Variants in JAM2 observed in about 807,000 individuals in gnomAD.
JAM2 encodes the protein junctional adhesion molecule 2, also known as junctional adhesion molecule B.
JAM2 carries 17 observed loss-of-function variants against 42.0 expected under a neutral mutation model. The ratio of observed to expected loss-of-function variants is 0.40; its 90% CI spans 0.28 to 0.61. The LOEUF is 0.61. JAM2 is among the 20% of genes least tolerant of loss of function. The probability of loss-of-function intolerance (pLI) is 0.37; values close to 1 mark genes in which losing one functional copy is unlikely to be tolerated. For missense variants in JAM2, 319 were observed against 358.3 expected (o/e 0.89, Z 0.89); for synonymous variants, 118 against 128.6 (o/e 0.92, Z 0.56).
At chr21:25,694,034 A>G in intron 4 of JAM2, 126 bp downstream of exon 4, 2 of 853,248 alleles carry the variant, frequency 2.3e-6, no homozygotes, top group Non-Finnish European at 3.7e-6. Flanking sequence ...GTCAAGTTAC[A>G]GAGACCATAA....
chr21:25,700,255 T>G (rs145222092), intron 5 of JAM2, among the ~76,000 whole-genome samples: 32 of 152,278 alleles, frequency 2.1e-4, no homozygotes, highest in African/African-American at 7.2e-4. Context: ...AATGTAATAT[T>G]CTATGTCAGT....
intron 1 of JAM2, among the ~76,000 whole-genome samples, chr21:25,642,838 A>G (rs1022432905): frequency 6.6e-6 from 1 of 152,238 alleles, no homozygotes; most frequent in African/African-American, 2.4e-5. Flanking sequence ...ACAAAATACC[A>G]TAAACGGAGT....
rs188352598 is a variant in JAM2 at position 25,699,683 on chromosome 21, A to C, written c.597+804A>C. ...GCTTGCAGTGAGCAGAGATCGCGCCACTGCGCTCCAGCCTGGGTGACAGAG... is the reference window on the plus strand; with the variant it reads ...GCTTGCAGTGAGCAGAGATCGCGCCCCTGCGCTCCAGCCTGGGTGACAGAG... On this transcript the variant is annotated intron_variant, in intron 5 of 9. Coordinates refer to ENST00000480456, the MANE Select transcript of JAM2 (RefSeq NM_021219.4). 5.9e-3 allele frequency among the ~76,000 whole-genome samples: 783 copies of C among 132,114 alleles called. 3 individuals are homozygous for C. Among genetic ancestry groups the C allele is most frequent in the African/African-American group, 0.019 (694 of 35,714 alleles). 86.7% of individuals were successfully genotyped at this position (132,114 alleles called of 152,430 possible). A position where few individuals can be genotyped will look rare whatever the true frequency, so the allele number is the denominator to read the frequency against.
At chr21:25,712,666 G>A (rs2034407607) in intron 9 of JAM2, among the ~76,000 whole-genome samples, 1 of 152,110 alleles carries the variant, frequency 6.6e-6, no homozygotes, top group African/African-American at 2.4e-5. Context: ...AGTATCACTA[G>A]GTCTGGCATT....
At chr21:25,704,414 T>C (rs1485527798) in intron 6 of JAM2, among the ~76,000 whole-genome samples, 1 of 152,182 alleles carries the variant, frequency 6.6e-6, no homozygotes, top group Non-Finnish European at 1.5e-5. Flanking sequence ...TTTAAGAAAA[T>C]TAATAACACA....
intron 1 of JAM2, among the ~76,000 whole-genome samples, chr21:25,642,089 T>C (rs2032462623): frequency 6.6e-6 from 1 of 152,128 alleles, no homozygotes; most frequent in African/African-American, 2.4e-5. Context: ...TGAACCTAGG[T>C]CACCTGTAAT....
intron 1 of JAM2, among the ~76,000 whole-genome samples, chr21:25,661,678 T>C (rs1317899285): frequency 6.6e-6 from 1 of 151,932 alleles, no homozygotes; most frequent in Non-Finnish European, 1.5e-5. Context: ...AAATTTCATT[T>C]CAGGATAATA....
chr21:25,713,078 C>G (rs1287873372), intron 9 of JAM2, among the ~76,000 whole-genome samples: 4 of 152,136 alleles, frequency 2.6e-5, no homozygotes, highest in Admixed American at 2.6e-4. Flanking sequence ...CTCTTTGGTA[C>G]GGGCACTAGC....
intron 1 of JAM2, among the ~76,000 whole-genome samples, chr21:25,661,683 A>G (rs189160513): frequency 3.1e-4 from 47 of 152,020 alleles, no homozygotes; most frequent in African/African-American, 1.1e-3. Flanking sequence ...TCATTTCAGG[A>G]TAATAAAGGA....
intron 1 of JAM2, among the ~76,000 whole-genome samples, chr21:25,659,378 C>T (rs935935804): frequency 6.6e-6 from 1 of 151,636 alleles, no homozygotes; most frequent in Admixed American, 6.6e-5. Context: ...TTTAAAATTG[C>T]TATGTGTGTC....
intron 1 of JAM2, among the ~76,000 whole-genome samples, chr21:25,665,779 G>A (rs1015191335): frequency 2.0e-5 from 3 of 152,128 alleles, no homozygotes; most frequent in Non-Finnish European, 4.4e-5. Context: ...AGTGGCTCAC[G>A]TCTGTAATCC....
At chr21:25,691,709 G>A (rs1412577808) in intron 3 of JAM2, among the ~76,000 whole-genome samples, 1 of 152,172 alleles carries the variant, frequency 6.6e-6, no homozygotes, top group Non-Finnish European at 1.5e-5. Flanking sequence ...AAGGGAATGA[G>A]GCAAGCATTT....
intron 1 of JAM2, 92 bp from the exon 2 acceptor site, chr21:25,683,791 A>C (rs909464823): frequency 2.3e-6 from 2 of 866,656 alleles, no homozygotes; most frequent in African/African-American, 3.5e-5. Context: ...ACCAAACTTT[A>C]GGACAGTTTT....
intron 1 of JAM2, among the ~76,000 whole-genome samples, chr21:25,660,006 G>A (rs919742797): frequency 2.0e-5 from 3 of 151,418 alleles, no homozygotes; most frequent in African/African-American, 7.3e-5. Context: ...CAACCTCTGC[G>A]TCCTGGGTTC....
At chr21:25,681,301 T>TA (rs1302619592) in intron 1 of JAM2, among the ~76,000 whole-genome samples, 2 of 152,128 alleles carry the variant, frequency 1.3e-5, no homozygotes, top group African/African-American at 4.8e-5. Context: ...GGGTACTTCA[T>TA]AAAGGAAAGA....
At chr21:25,695,915 G>A (rs887683926) in intron 4 of JAM2, among the ~76,000 whole-genome samples, 3 of 151,994 alleles carry the variant, frequency 2.0e-5, no homozygotes, top group African/African-American at 7.2e-5. Context: ...TGGGCAGCCA[G>A]GCAGAGGGGC....
chr21:25,641,604 T>G (rs1012129180), intron 1 of JAM2, among the ~76,000 whole-genome samples: 1 of 152,160 alleles, frequency 6.6e-6, no homozygotes, highest in African/African-American at 2.4e-5. Context: ...TGTTTTTTTT[T>G]TTATGTTTAA....
rs1245597951 is a variant in JAM2 at position 25,715,521 on chromosome 21, T to G, written c.*849T>G. The G allele has an allele frequency of 6.6e-6, 1 of 152,228 alleles. No homozygotes were observed. The highest frequency in any genetic ancestry group is 1.9e-4 in the East Asian group (1 of 5,198). 9.4% of individuals were successfully genotyped at this position (152,228 alleles called of 1,614,324 possible). A position where few individuals can be genotyped will look rare whatever the true frequency, so the allele number is the denominator to read the frequency against. On this transcript the variant is annotated 3_prime_UTR_variant, in exon 10 of 10. Transcript: ENST00000480456. ...CCTGCAGGAGTGGTGACTTCACATC[T>G]TTCTGTCTCTAAAAATTGTGCAGTG...
At chr21:25,661,384 G>T (rs1230729017) in intron 1 of JAM2, among the ~76,000 whole-genome samples, 1 of 152,010 alleles carries the variant, frequency 6.6e-6, no homozygotes, top group Non-Finnish European at 1.5e-5. Flanking sequence ...GATCCCTTGA[G>T]CCCAGAGGTT....
Sources: gnomAD v4.1 joint callset for allele counts (sites outside exome capture counted in the v4.1 genomes callset) on GRCh38, gnomAD v4.1.1 for gene constraint, MANE v1.5 for transcripts, NCBI Gene and HGNC (gene_info 2026-07-23, HGNC 2026-07-21) for gene names.